The following MTF2 variants were observed in gnomAD, a reference collection of about 807,000 sequenced individuals.
The protein encoded by MTF2 is metal response element binding transcription factor 2, also known as metal-response element-binding transcription factor 2.
MTF2 carries 11 observed loss-of-function variants against 79.5 expected under a neutral mutation model. The observed-to-expected ratio is 0.14, with a 90% CI of 0.09 to 0.23. MTF2 has a LOEUF of 0.23. MTF2 is among the 10% of genes least tolerant of loss of function. The probability of loss-of-function intolerance (pLI) is 1.00; values close to 1 mark genes in which losing one functional copy is unlikely to be tolerated. For missense variants in MTF2, 486 were observed against 711.2 expected (o/e 0.68, Z 3.60); for synonymous variants, 208 against 232.8 (o/e 0.89, Z 0.97).
At chr1:93,131,592 A>T (rs1656918652) in intron 11 of MTF2, among the ~76,000 whole-genome samples, 1 of 152,216 alleles carries the variant, frequency 6.6e-6, no homozygotes, top group African/African-American at 2.4e-5. Context: ...GAAAATGGAA[A>T]GGGTATATGT....
At chr1:93,106,273 C>T (rs564424613) in intron 1 of MTF2, among the ~76,000 whole-genome samples, 3 of 152,100 alleles carry the variant, frequency 2.0e-5, no homozygotes, top group African/African-American at 4.8e-5. Context: ...CAGAGACAGA[C>T]CTTGCCATCC....
intron 13 of MTF2, 23 bp from the exon 14 acceptor site, chr1:93,134,068 C>A (rs1305984462): frequency 6.4e-7 from 1 of 1,573,164 alleles, no homozygotes; most frequent in Non-Finnish European, 8.7e-7. Flanking sequence ...AGTCGTTACA[C>A]AATTTAAATT....
In MTF2 at chr1:93,108,335, A is replaced by G. The variant is rs141315625; in HGVS notation, c.6-1895A>G. ...TTCCTTCTGGGTTTACTTACTTTCA[A>G]TCGTAGTAGTATTCATTGTAAGATG... On this transcript the variant is annotated intron_variant, in intron 1 of 14. Transcript: ENST00000370298. Among the ~76,000 whole-genome samples the G allele has an allele frequency of 5.9e-3, 900 of 152,136 alleles. 7 individuals carry two copies. Among genetic ancestry groups the G allele is most frequent in the African/African-American group, 0.02 (828 of 41,486 alleles).
rs548148138 is a variant in MTF2, at chr1:93,107,965, T to G, written c.6-2265T>G. On this transcript the variant is annotated intron_variant, in intron 1 of 14. Coordinates refer to ENST00000370298, the MANE Select transcript of MTF2 (RefSeq NM_007358.4). ...CCGGCTAATTTTTATTTTTTAATTT[T>G]TTTAGAGACATTCTCCCTTTGTTGC... 2.0e-5 allele frequency among the ~76,000 whole-genome samples: 3 copies of G among 152,196 alleles called. No individual in the cohort carries two copies. In the South Asian group the frequency reaches 6.2e-4, roughly 32 times the overall value.
intron 8 of MTF2, 189 bp from the exon 9 acceptor site, chr1:93,120,360 C>A: frequency 8.5e-6 from 3 of 351,062 alleles, no homozygotes; most frequent in South Asian, 5.1e-5. Flanking sequence ...AGTTGCTATT[C>A]AGAATAAGTG....
chr1:93,080,222 A>C (rs915516309), intron 1 of MTF2, among the ~76,000 whole-genome samples: 3 of 152,152 alleles, frequency 2.0e-5, no homozygotes, highest in African/African-American at 7.2e-5. Context: ...CATATAATCT[A>C]CGTCTAGGAT....
At chr1:93,096,532 T>TC (rs984571529) in intron 1 of MTF2, among the ~76,000 whole-genome samples, 24 of 151,994 alleles carry the variant, frequency 1.6e-4, no homozygotes, top group African/African-American at 5.8e-4. Flanking sequence ...CTTTTTTTTT[T>TC]CTGTGTTAAT....
chr1:93,116,927 A>T (rs1557554190), intron 6 of MTF2, among the ~76,000 whole-genome samples: 1 of 152,216 alleles, frequency 6.6e-6, no homozygotes, highest in East Asian at 1.9e-4. Context: ...ACATTTAGTG[A>T]TTAAGTTTGC....
At chr1:93,103,989 A>G (rs986262673) in intron 1 of MTF2, among the ~76,000 whole-genome samples, 1 of 151,840 alleles carries the variant, frequency 6.6e-6, no homozygotes, top group Non-Finnish European at 1.5e-5. Context: ...TCTAGGCTGG[A>G]GTGCAGTGGT....
chr1:93,110,304 C>T lies in MTF2; in HGVS notation c.80C>T (p.Ser27Phe), dbSNP rs983569243. ...PLRRNQKTPT[S>F]LTKLSLQDGH... Reference sequence around the variant, plus strand: ...CGTCGAAACCAAAAGACCCCAACATCCTTGACCAAGCTGTCTTTACAGGAT... The same window carrying T: ...CGTCGAAACCAAAAGACCCCAACATTCTTGACCAAGCTGTCTTTACAGGAT... Residue 27 changes from serine to phenylalanine, a missense_variant, in exon 2 of 15, where the codon TCC (serine) becomes TTC (phenylalanine). By Grantham distance (155) the Ser-to-Phe change is radical (BLOSUM62 -2). Coordinates refer to ENST00000370298, the MANE Select transcript of MTF2 (RefSeq NM_007358.4). The T allele has an allele frequency of 6.2e-7, 1 of 1,614,130 alleles. No individual in the cohort carries two copies. The highest frequency in any genetic ancestry group is 8.5e-7 in the Non-Finnish European group (1 of 1,180,018).
chr1:93,090,737 C>T (rs1655042313), intron 1 of MTF2, among the ~76,000 whole-genome samples: 2 of 150,166 alleles, frequency 1.3e-5, no homozygotes. Context: ...GATCTCGGCT[C>T]ACTGCAAGCT....
intron 1 of MTF2, among the ~76,000 whole-genome samples, chr1:93,102,137 A>G (rs1035131440): frequency 2.0e-5 from 3 of 152,208 alleles, no homozygotes; most frequent in African/African-American, 7.2e-5. Flanking sequence ...CCCAATCAAA[A>G]AGTCTGTTTC....
At chr1:93,099,319 A>G (rs962493822) in intron 1 of MTF2, among the ~76,000 whole-genome samples, 2 of 152,202 alleles carry the variant, frequency 1.3e-5, no homozygotes, top group South Asian at 4.1e-4. Flanking sequence ...AAACAGAAAA[A>G]CAAATGAAAG....
intron 9 of MTF2, 97 bp downstream of exon 9, chr1:93,120,769 C>T (rs1234465437): frequency 2.0e-6 from 3 of 1,515,660 alleles, no homozygotes; most frequent in Non-Finnish European, 2.6e-6. Flanking sequence ...ATAAGTCAGA[C>T]AACTAAAATA....
At chr1:93,090,032 G>A (rs567024547) in intron 1 of MTF2, among the ~76,000 whole-genome samples, 73 of 151,970 alleles carry the variant, frequency 4.8e-4, no homozygotes, top group Admixed American at 1.9e-3. Context: ...GCTGGAGCGC[G>A]GTAGCACGAT....
At chr1:93,117,693 T>A (rs1333779859) in intron 6 of MTF2, among the ~76,000 whole-genome samples, 1 of 152,158 alleles carries the variant, frequency 6.6e-6, no homozygotes, top group East Asian at 1.9e-4. Flanking sequence ...ACAGTACCTC[T>A]GAATCTGACC....
At position 93,115,061 on chromosome 1, in the gene MTF2, G is replaced by A; in HGVS notation, c.456G>A (p.Arg152=). The change falls in exon 5 of 15, where the codon CGG becomes CGA. Residue 152 remains arginine (R), a synonymous_variant. Transcript: ENST00000370298. Reference sequence around the variant, plus strand: ...ATTCAGATGAAAAATGGCTCTGTCGGCAGTGTGTTTTTGCAACAACAACAA... The same window carrying A: ...ATTCAGATGAAAAATGGCTCTGTCGACAGTGTGTTTTTGCAACAACAACAA... ...VIDSDEKWLC[R]QCVFATTTKR... 1.2e-6 allele frequency: 2 copies of A among 1,610,344 alleles called. No individual in the cohort carries two copies. Among genetic ancestry groups the A allele is most frequent in the Non-Finnish European group, 1.7e-6 (2 of 1,177,162 alleles).
chr1:93,087,898 C>T (rs368910836), intron 1 of MTF2, among the ~76,000 whole-genome samples: 5 of 152,046 alleles, frequency 3.3e-5, no homozygotes, highest in African/African-American at 1.2e-4. Context: ...TCTTCCCTTC[C>T]TATTCTATGG....
chr1:93,088,784 A>G (rs904975904), intron 1 of MTF2, among the ~76,000 whole-genome samples: 1 of 152,072 alleles, frequency 6.6e-6, no homozygotes, highest in Non-Finnish European at 1.5e-5. Context: ...CCAGGCTGGT[A>G]TGGAACTCCT....
Sources: allele counts gnomAD v4.1 joint callset (sites outside exome capture counted in the v4.1 genomes callset), GRCh38; gene constraint gnomAD v4.1.1; transcripts MANE v1.5; gene names NCBI Gene and HGNC (gene_info 2026-07-23, HGNC 2026-07-21).